The following ST6GALNAC3 variants were observed in gnomAD, a reference collection of about 807,000 sequenced individuals.
ST6GALNAC3 encodes alpha-N-acetylgalactosaminide alpha-2,6-sialyltransferase 3.
In ST6GALNAC3, 25 loss-of-function variants were observed where a neutral mutation model predicts 32.7. That is an observed-to-expected ratio of 0.76 (90% CI 0.56 to 1.07). The LOEUF (loss-of-function observed/expected upper bound fraction) is 1.07, where lower values mean the gene tolerates loss of function less well. Ranked by LOEUF, ST6GALNAC3 falls within the 50% of genes least tolerant of loss-of-function variation. ST6GALNAC3 has a pLI of 0.00. For synonymous variants in ST6GALNAC3, 129 were observed against 133.1 expected (o/e 0.97, Z 0.21); for missense variants, 355 against 382.4 (o/e 0.93, Z 0.60).
chr1:76,118,438 T>C (rs1190734042), intron 1 of ST6GALNAC3, among the ~76,000 whole-genome samples: 3 of 152,190 alleles, frequency 2.0e-5, no homozygotes, highest in Admixed American at 2.0e-4. Context: ...GGGCAGCAGG[T>C]TAAGAATCCC....
At chr1:76,167,270 T>C (rs142861479) in intron 1 of ST6GALNAC3, among the ~76,000 whole-genome samples, 15 of 152,342 alleles carry the variant, frequency 9.8e-5, no homozygotes, top group African/African-American at 3.4e-4. Flanking sequence ...GTTTTTTGTC[T>C]TTAGTTCTGT....
At chr1:76,077,080 C>A (rs6692547) in intron 1 of ST6GALNAC3, among the ~76,000 whole-genome samples, 26,718 of 152,168 alleles carry the variant, frequency 0.18, 2,750 homozygotes, top group Middle Eastern at 0.36. Context: ...AAAAGCTACA[C>A]ATGGAGCAGT....
intron 3 of ST6GALNAC3, among the ~76,000 whole-genome samples, chr1:76,572,114 C>A: frequency 6.6e-6 from 1 of 151,758 alleles, no homozygotes; most frequent in South Asian, 2.1e-4. Context: ...GCTATCATTC[C>A]TTTTTTTTCC....
rs749962459 is a variant in ST6GALNAC3, at chr1:76,600,142, C to T, written c.624-27310C>T. ...GGGTCCTCACGATTGGGATTAGTGCCTCTAGAGTCATGAGAGAGCTTGCTT... is the reference window on the plus strand; with the variant it reads ...GGGTCCTCACGATTGGGATTAGTGCTTCTAGAGTCATGAGAGAGCTTGCTT... On this transcript the variant is annotated intron_variant, in intron 3 of 4. Transcript: ENST00000328299. Among the ~76,000 whole-genome samples the T allele has an allele frequency of 4.9e-4, 75 of 151,996 alleles. No homozygotes were observed. The Middle Eastern group carries it at 0.01, about 21-fold the overall frequency.
chr1:76,283,575 C>T (rs1659617647), intron 1 of ST6GALNAC3, among the ~76,000 whole-genome samples: 1 of 152,184 alleles, frequency 6.6e-6, no homozygotes, highest in African/African-American at 2.4e-5. Flanking sequence ...TTTGGTAAAA[C>T]TGTGCTTCTC....
intron 1 of ST6GALNAC3, among the ~76,000 whole-genome samples, chr1:76,277,256 G>A (rs1472809793): frequency 1.3e-5 from 2 of 151,846 alleles, no homozygotes; most frequent in East Asian, 3.9e-4. Flanking sequence ...ATGCCTATGT[G>A]TGTGTGTGTA....
At chr1:76,560,416 TACTTGCAA>T (rs1265153080) in intron 3 of ST6GALNAC3, among the ~76,000 whole-genome samples, 2 of 151,908 alleles carry the variant, frequency 1.3e-5, no homozygotes, top group Admixed American at 6.6e-5. Flanking sequence ...TGGGAGAAAA[TACTTGCAA>T]ACTACCCATC....
At chr1:76,505,227 A>C (rs111773813) in intron 3 of ST6GALNAC3, among the ~76,000 whole-genome samples, 10,493 of 151,590 alleles carry the variant, frequency 0.069, 1,234 homozygotes, top group African/African-American at 0.24. Context: ...GGGTTCAAGC[A>C]ATTTCCTGCC....
At position 76,576,930 on chromosome 1, in the gene ST6GALNAC3, AAAAGAAAG is replaced by A. The variant is rs200052588; in HGVS notation, c.624-50510_624-50503del. Reference sequence around the variant, plus strand: ...CCCACCACAAAAGGAAGGAAGGAATAAAAGAAAGAAAGAAAGAAACAAACAAACAAACA... The same window carrying A: ...CCCACCACAAAAGGAAGGAAGGAATAAAAGAAAGAAACAAACAAACAAACA... On this transcript the variant is annotated intron_variant, in intron 3 of 4. Transcript: ENST00000328299. 6.2e-6 allele frequency: 8 copies of A among 1,281,980 alleles called. No homozygotes were observed. The African/African-American group carries it at 1.1e-4, about 17-fold the overall frequency. 79.4% of individuals were successfully genotyped at this position (1,281,980 alleles called of 1,614,324 possible). A position where few individuals can be genotyped will look rare whatever the true frequency, so the allele number is the denominator to read the frequency against.
At chr1:76,444,948 A>G (rs148242415) in intron 3 of ST6GALNAC3, among the ~76,000 whole-genome samples, 207 of 152,306 alleles carry the variant, frequency 1.4e-3, no homozygotes, top group African/African-American at 4.7e-3. Flanking sequence ...CCTTAATCAA[A>G]GGCATATAAA....
chr1:76,283,857 G>A (rs1393168151), intron 1 of ST6GALNAC3, among the ~76,000 whole-genome samples: 1 of 152,106 alleles, frequency 6.6e-6, no homozygotes, highest in East Asian at 1.9e-4. Context: ...CACATACTTG[G>A]TGTTTTTTCT....
At chr1:76,567,736 C>T (rs1227458153) in intron 3 of ST6GALNAC3, among the ~76,000 whole-genome samples, 1 of 152,132 alleles carries the variant, frequency 6.6e-6, no homozygotes, top group East Asian at 1.9e-4. Flanking sequence ...CAAGAACCTA[C>T]AGTGCATTTC....
intron 1 of ST6GALNAC3, among the ~76,000 whole-genome samples, chr1:76,247,792 T>C (rs757972220): frequency 1.3e-5 from 2 of 151,838 alleles, no homozygotes; most frequent in Non-Finnish European, 2.9e-5. Flanking sequence ...TGAGAACACC[T>C]GGCTCCCTGG....
At chr1:76,091,207 G>A (rs939870500) in intron 1 of ST6GALNAC3, among the ~76,000 whole-genome samples, 1 of 152,202 alleles carries the variant, frequency 6.6e-6, no homozygotes, top group East Asian at 1.9e-4. Flanking sequence ...AGATAAGCAA[G>A]AATATCAGTC....
intron 3 of ST6GALNAC3, among the ~76,000 whole-genome samples, chr1:76,501,265 C>T (rs889484667): frequency 1.3e-5 from 2 of 152,188 alleles, no homozygotes; most frequent in Non-Finnish European, 2.9e-5. Flanking sequence ...ATGACTCCAG[C>T]CCCTTTCCTG....
chr1:76,526,192 T>C (rs1662901056), intron 3 of ST6GALNAC3, among the ~76,000 whole-genome samples: 1 of 151,952 alleles, frequency 6.6e-6, no homozygotes, highest in Non-Finnish European at 1.5e-5. Context: ...CTGACACTTA[T>C]CCTGACTATA....
At chr1:76,324,548 T>TG (rs1214685113) in intron 2 of ST6GALNAC3, among the ~76,000 whole-genome samples, 1 of 152,116 alleles carries the variant, frequency 6.6e-6, no homozygotes, top group Non-Finnish European at 1.5e-5. Flanking sequence ...AAATAAATAT[T>TG]GGGGGCCGTT....
chr1:76,625,993 G>T (rs1648942856), intron 3 of ST6GALNAC3, among the ~76,000 whole-genome samples: 1 of 151,822 alleles, frequency 6.6e-6, no homozygotes. Flanking sequence ...GCAAGTAAAG[G>T]CTAAAAAATC....
chr1:76,275,312 T>C (rs1176455142), intron 1 of ST6GALNAC3, among the ~76,000 whole-genome samples: 8 of 152,196 alleles, frequency 5.3e-5, no homozygotes. Flanking sequence ...ACTTTGCTTA[T>C]GTAGCAGATT....
Sources: allele counts gnomAD v4.1 joint callset (sites outside exome capture counted in the v4.1 genomes callset), GRCh38; gene constraint gnomAD v4.1.1; transcripts MANE v1.5; gene names NCBI Gene and HGNC (gene_info 2026-07-23, HGNC 2026-07-21).